The following TAF3 variants were observed in gnomAD, a reference collection of about 807,000 sequenced individuals.
TAF3 encodes the protein TATA-box binding protein associated factor 3.
In TAF3, 7 loss-of-function variants were observed where a neutral mutation model predicts 80.6. That is an observed-to-expected ratio of 0.09 (90% CI 0.05 to 0.16). TAF3 has a LOEUF of 0.16. Among genes scored for constraint, TAF3 ranks in the 10% least tolerant of loss-of-function variants. The probability of loss-of-function intolerance (pLI) is 1.00; values close to 1 mark genes in which losing one functional copy is unlikely to be tolerated. For synonymous variants in TAF3, 444 were observed against 446.1 expected (o/e 1.00, Z 0.06); for missense variants, 921 against 1,140.2 (o/e 0.81, Z 2.77).
chr10:7,954,490 G>A lies in TAF3; in HGVS notation c.410-9430G>A, dbSNP rs577929177. On this transcript the variant is annotated intron_variant, in intron 2 of 6. Transcript: ENST00000344293. ...ATGAATTAGTCCCAGTTAACACAGA[G>A]CTCTCCATAGTGAGATTCAGAGTGC... Among the ~76,000 whole-genome samples the A allele has an allele frequency of 9.6e-5, 13 of 136,122 alleles. 2 individuals carry two copies. The highest frequency in any genetic ancestry group is 3.4e-4 in the African/African-American group (13 of 38,502). The allele number at this position is 136,122 out of a possible 152,430, so 89.3% of individuals were successfully genotyped here. A position where few individuals can be genotyped will look rare whatever the true frequency, so the allele number is the denominator to read the frequency against.
chr10:7,866,198 T>C (rs991587010), intron 2 of TAF3, among the ~76,000 whole-genome samples: 4 of 152,218 alleles, frequency 2.6e-5, no homozygotes, highest in African/African-American at 7.2e-5. Flanking sequence ...AATTCCCTTC[T>C]TTCAGCACAT....
chr10:7,842,505 G>A (rs1320682947), intron 2 of TAF3, among the ~76,000 whole-genome samples: 1 of 152,048 alleles, frequency 6.6e-6, no homozygotes, highest in Non-Finnish European at 1.5e-5. Context: ...TGCTGTAAAA[G>A]AAGAACTAAA....
intron 2 of TAF3, among the ~76,000 whole-genome samples, chr10:7,925,326 C>T (rs1837804486): frequency 6.6e-6 from 1 of 152,202 alleles, no homozygotes; most frequent in South Asian, 2.1e-4. Flanking sequence ...ATGGCTCAGC[C>T]TTGACTTACC....
chr10:7,947,061 CACA>C (rs1276194157), intron 2 of TAF3, among the ~76,000 whole-genome samples: 2 of 152,182 alleles, frequency 1.3e-5, no homozygotes, highest in African/African-American at 4.8e-5. Flanking sequence ...CTCGCCTGGC[CACA>C]ACTTTTCTTT....
intron 4 of TAF3, among the ~76,000 whole-genome samples, chr10:7,997,507 G>A (rs1189014015): frequency 6.6e-6 from 1 of 152,226 alleles, no homozygotes; most frequent in Non-Finnish European, 1.5e-5. Context: ...TTGCATTACA[G>A]GCCAAGCAGC....
At position 7,871,435 on chromosome 10, in the gene TAF3, C is replaced by CTTTTTTTTTTTTTTTTTTTT. The variant is rs527356726; in HGVS notation, c.409+46881_409+46900dup. ...CTAAATTGATGACAAATAACTGCTG[C>CTTTTTTTTTTTTTTTTTTTT]TTTTTTTTTTTTTTTTTTTTTTTTT... On this transcript the variant is annotated intron_variant, in intron 2 of 6. Coordinates refer to ENST00000344293, the MANE Select transcript of TAF3 (RefSeq NM_031923.4). 3.2e-3 allele frequency among the ~76,000 whole-genome samples: 221 copies of CTTTTTTTTTTTTTTTTTTTT among 69,076 alleles called. 16 individuals are homozygous for CTTTTTTTTTTTTTTTTTTTT. The highest frequency in any genetic ancestry group is 5.0e-3 in the Admixed American group (22 of 4,408). 45.3% of individuals were successfully genotyped at this position (69,076 alleles called of 152,430 possible).
intron 2 of TAF3, among the ~76,000 whole-genome samples, chr10:7,951,809 G>A (rs980619038): frequency 6.6e-6 from 1 of 152,198 alleles, no homozygotes. Context: ...CTGGCATTAA[G>A]AGGAAACTGA....
chr10:7,931,666 G>A (rs79684362), intron 2 of TAF3, among the ~76,000 whole-genome samples: 1,668 of 152,236 alleles, frequency 0.011, 20 homozygotes, highest in Middle Eastern at 0.031. Flanking sequence ...CCCATGTTAT[G>A]TTTTCAAATC....
intron 2 of TAF3, among the ~76,000 whole-genome samples, chr10:7,865,068 G>A (rs1338569771): frequency 6.6e-6 from 1 of 152,140 alleles, no homozygotes; most frequent in African/African-American, 2.4e-5. Flanking sequence ...GTGATGGGTT[G>A]AGGAGGGAGT....
At chr10:7,907,588 A>G (rs141384371) in intron 2 of TAF3, among the ~76,000 whole-genome samples, 3 of 152,332 alleles carry the variant, frequency 2.0e-5, no homozygotes, top group Admixed American at 6.5e-5. Context: ...GGGTAATACA[A>G]TAGCCAGAAG....
At chr10:7,832,118 G>A (rs1455748322) in intron 2 of TAF3, among the ~76,000 whole-genome samples, 3 of 151,940 alleles carry the variant, frequency 2.0e-5, no homozygotes, top group Non-Finnish European at 4.4e-5. Context: ...ACCATGCTGT[G>A]CAATGTATCA....
At chr10:7,910,772 G>A (rs1459344113) in intron 2 of TAF3, among the ~76,000 whole-genome samples, 1 of 152,148 alleles carries the variant, frequency 6.6e-6, no homozygotes, top group Non-Finnish European at 1.5e-5. Context: ...TAAAAGACAG[G>A]AATAATTCGG....
At chr10:7,847,112 C>T (rs1036953313) in intron 2 of TAF3, among the ~76,000 whole-genome samples, 3 of 152,100 alleles carry the variant, frequency 2.0e-5, no homozygotes, top group African/African-American at 7.2e-5. Context: ...AAAGAGATAG[C>T]ATTTCTGGCT....
rs1489921154 is a variant in TAF3 at position 7,863,686 on chromosome 10, C to CACATATATAT, written c.409+39129_409+39130insTATATATACA. 6.2e-5 allele frequency among the ~76,000 whole-genome samples: 5 copies of CACATATATAT among 80,320 alleles called. 1 individual carries two copies. The highest frequency in any genetic ancestry group is 3.0e-4 in the Admixed American group (2 of 6,664). 52.7% of individuals were successfully genotyped at this position (80,320 alleles called of 152,430 possible). A position where few individuals can be genotyped will look rare whatever the true frequency, so the allele number is the denominator to read the frequency against. ...ATATATACACACATATATATATATACACACACATATATATATATACACATA... is the reference window on the plus strand; with the variant it reads ...ATATATACACACATATATATATATACACATATATATACACACATATATATATATACACATA... On this transcript the variant is annotated intron_variant, in intron 2 of 6. Coordinates refer to ENST00000344293, the MANE Select transcript of TAF3 (RefSeq NM_031923.4).
intron 2 of TAF3, among the ~76,000 whole-genome samples, chr10:7,899,191 A>T (rs887667372): frequency 6.6e-6 from 1 of 152,172 alleles, no homozygotes; most frequent in African/African-American, 2.4e-5. Flanking sequence ...GGCCTCACCT[A>T]CATCCTTGCC....
intron 2 of TAF3, among the ~76,000 whole-genome samples, chr10:7,934,726 T>G (rs1837900237): frequency 1.3e-5 from 2 of 152,116 alleles, no homozygotes; most frequent in East Asian, 3.9e-4. Context: ...ATTACAGGTG[T>G]GAGCCACTGC....
At chr10:7,871,457 T>TTTTTTTTTTTTTTTTA (rs1837265459) in intron 2 of TAF3, among the ~76,000 whole-genome samples, 1 of 84,198 alleles carries the variant, frequency 1.2e-5, no homozygotes. Context: ...TTTTTTTTTT[T>TTTTTTTTTTTTTTTTA]TTTGAGACGG....
At chr10:7,921,946 G>T (rs1233112063) in intron 2 of TAF3, among the ~76,000 whole-genome samples, 1 of 152,072 alleles carries the variant, frequency 6.6e-6, no homozygotes, top group Non-Finnish European at 1.5e-5. Context: ...TTAAGAATAT[G>T]CTAGTTAATA....
intron 1 of TAF3, among the ~76,000 whole-genome samples, chr10:7,820,899 C>CAG (rs1836683770): frequency 6.6e-6 from 1 of 152,238 alleles, no homozygotes; most frequent in Non-Finnish European, 1.5e-5. Flanking sequence ...TCTTTTTCCT[C>CAG]TGGCCTCCGC....
Sources: allele counts gnomAD v4.1 joint callset (sites outside exome capture counted in the v4.1 genomes callset), GRCh38; gene constraint gnomAD v4.1.1; transcripts MANE v1.5; gene names NCBI Gene and HGNC (gene_info 2026-07-23, HGNC 2026-07-21).